DPP6: variants seen among roughly 807,000 people sequenced by gnomAD.
DPP6 encodes A-type potassium channel modulatory protein DPP6.
In DPP6, 69 loss-of-function variants were observed where a neutral mutation model predicts 122.6. The ratio of observed to expected loss-of-function variants is 0.56; its 90% CI spans 0.46 to 0.69. The LOEUF (loss-of-function observed/expected upper bound fraction) is 0.69. DPP6 is among the 30% of genes least tolerant of loss of function. The pLI is 0.00. For missense variants in DPP6, 928 were observed against 1,116.9 expected (o/e 0.83, Z 2.41); for synonymous variants, 418 against 433.1 (o/e 0.97, Z 0.43).
chr7:154,023,953 C>T (rs1289344097), intron 1 of DPP6, among the ~76,000 whole-genome samples: 1 of 152,140 alleles, frequency 6.6e-6, no homozygotes, highest in Non-Finnish European at 1.5e-5. Context: ...AACAGCTTAC[C>T]TGCAGCAAGA....
At chr7:153,760,221 T>G in the DPP6 span, among the ~76,000 whole-genome samples, 6 of 152,336 alleles carry the variant, frequency 3.9e-5, no homozygotes, top group African/African-American at 1.4e-4. Context: ...TTTTTTGTTG[T>G]GCGCAGTATC....
intron 1 of DPP6, among the ~76,000 whole-genome samples, chr7:153,893,663 T>A (rs1300122792): frequency 6.6e-6 from 1 of 152,228 alleles, no homozygotes; most frequent in African/African-American, 2.4e-5. Context: ...GATGCATCAA[T>A]CTTCTTTATT....
chr7:154,681,606 G>A (rs1403305543), intron 7 of DPP6, among the ~76,000 whole-genome samples: 3 of 152,148 alleles, frequency 2.0e-5, no homozygotes, highest in Non-Finnish European at 2.9e-5. Flanking sequence ...GCGGGGGAGG[G>A]CTGTACTCGG....
chr7:154,062,082 A>G (rs1431383049), intron 1 of DPP6, among the ~76,000 whole-genome samples: 2 of 99,586 alleles, frequency 2.0e-5, no homozygotes, highest in Non-Finnish European at 4.2e-5. Context: ...ACTGGCTCTT[A>G]GGACCCCCAT....
At chr7:154,307,249 C>T (rs11984045) in intron 1 of DPP6, among the ~76,000 whole-genome samples, 1 of 152,210 alleles carries the variant, frequency 6.6e-6, no homozygotes, top group African/African-American at 2.4e-5. Context: ...TTTGGAGGAC[C>T]TATGAGCTCT....
chr7:154,053,151 G>C lies in DPP6; in HGVS notation c.243+88G>C, dbSNP rs574503334. 2.0e-4 allele frequency: 184 copies of C among 921,826 alleles called. 5 individuals carry two copies. Among genetic ancestry groups the C allele is most frequent in the African/African-American group, 1.2e-3 (69 of 56,250 alleles). 57.1% of individuals were successfully genotyped at this position (921,826 alleles called of 1,614,324 possible). On this transcript the variant is annotated intron_variant, in intron 1 of 25. Coordinates refer to ENST00000377770, the MANE Select transcript of DPP6 (RefSeq NM_130797.4). ...GCGTCGGCAGGGGAAATTTTTTTTGGGGGGGGAATCAGGCGCCCTCCCCCC... is the reference window on the plus strand; with the variant it reads ...GCGTCGGCAGGGGAAATTTTTTTTGCGGGGGGAATCAGGCGCCCTCCCCCC...
intron 6 of DPP6, among the ~76,000 whole-genome samples, chr7:154,659,031 C>A (rs889246930): frequency 1.3e-5 from 2 of 152,262 alleles, no homozygotes; most frequent in Admixed American, 1.3e-4. Context: ...GTGGCTCATC[C>A]AAAAGGGAAT....
intron 1 of DPP6, among the ~76,000 whole-genome samples, chr7:153,962,110 G>A (rs1029453526): frequency 1.3e-5 from 2 of 151,384 alleles, no homozygotes; most frequent in Admixed American, 6.6e-5. Context: ...TCTGGAGGCA[G>A]GATAAAGGCA....
At chr7:154,491,328 G>A (rs925679659) in intron 3 of DPP6, among the ~76,000 whole-genome samples, 1 of 152,122 alleles carries the variant, frequency 6.6e-6, no homozygotes, top group Non-Finnish European at 1.5e-5. Context: ...AGCAACAATG[G>A]CCCTGTTAGC....
At chr7:154,431,461 CTTT>C (rs149143595) in intron 1 of DPP6, among the ~76,000 whole-genome samples, 4 of 19,724 alleles carry the variant, frequency 2.0e-4, no homozygotes, top group Admixed American at 4.9e-4. Context: ...CTTTTCTTTT[CTTT>C]TCTTTTCTTT....
chr7:154,368,766 G>A (rs936281914), intron 1 of DPP6, among the ~76,000 whole-genome samples: 8 of 152,232 alleles, frequency 5.3e-5, no homozygotes, highest in African/African-American at 1.7e-4. Flanking sequence ...TCCCAAAGTA[G>A]ATGATTCTGA....
At chr7:154,889,624 C>G in intron 25 of DPP6, 94 bp downstream of exon 25, 7 of 1,533,344 alleles carry the variant, frequency 4.6e-6, no homozygotes, top group Non-Finnish European at 6.2e-6. Context: ...TCTACTGCAG[C>G]AGACACGCCT....
At chr7:154,611,258 A>G (rs1282624687) in intron 5 of DPP6, among the ~76,000 whole-genome samples, 1 of 152,234 alleles carries the variant, frequency 6.6e-6, no homozygotes, top group Non-Finnish European at 1.5e-5. Flanking sequence ...ATATTAGTTC[A>G]GATAAATGAT....
At chr7:153,908,233 G>A (rs1799934454) in intron 1 of DPP6, among the ~76,000 whole-genome samples, 1 of 152,100 alleles carries the variant, frequency 6.6e-6, no homozygotes, top group South Asian at 2.1e-4. Flanking sequence ...AATTTTGGAA[G>A]TTTCTAGTCT....
In DPP6 at chr7:154,772,801, T is replaced by G. The variant is rs780404980; in HGVS notation, c.1039-44T>G. ...TTTGCAGAGCTGAAGTTCACTCTTG[T>G]ATAAGGCTGCTTGTTCATGTCTCTG... is the stretch of plus-strand genomic sequence containing the variant. On this transcript the variant is annotated intron_variant, in intron 9 of 25. Coordinates refer to ENST00000377770, the MANE Select transcript of DPP6 (RefSeq NM_130797.4). The G allele has an allele frequency of 1.9e-6, 3 of 1,589,592 alleles. No individual in the cohort carries two copies. The South Asian group carries it at 3.5e-5, about 18-fold the overall frequency.
chr7:154,331,492 C>T (rs1306486896), intron 1 of DPP6, among the ~76,000 whole-genome samples: 1 of 152,126 alleles, frequency 6.6e-6, no homozygotes, highest in Non-Finnish European at 1.5e-5. Context: ...GATTTTGTGG[C>T]CCTTGAATTC....
At chr7:153,780,068 T>C in the DPP6 span, among the ~76,000 whole-genome samples, 2 of 151,342 alleles carry the variant, frequency 1.3e-5, no homozygotes, top group Non-Finnish European at 2.9e-5. Context: ...GAAGAGTATA[T>C]ATAAGAAGAC....
intron 3 of DPP6, among the ~76,000 whole-genome samples, chr7:154,526,709 C>A (rs1017482068): frequency 4.6e-5 from 7 of 152,144 alleles, no homozygotes; most frequent in Non-Finnish European, 8.8e-5. Context: ...TTAATGTCAG[C>A]TTTCTAATCA....
At chr7:154,802,056 C>T (rs566529592) in intron 13 of DPP6, among the ~76,000 whole-genome samples, 8 of 152,068 alleles carry the variant, frequency 5.3e-5, no homozygotes, top group African/African-American at 1.9e-4. Context: ...CTGAAGAGGT[C>T]ACCTCAGGGA....
Sources: gnomAD v4.1 joint callset for allele counts (sites outside exome capture counted in the v4.1 genomes callset) on GRCh38, gnomAD v4.1.1 for gene constraint, MANE v1.5 for transcripts, NCBI Gene and HGNC (gene_info 2026-07-23, HGNC 2026-07-21) for gene names.